UBE2G2: variants seen among roughly 807,000 people sequenced by gnomAD.
The protein encoded by UBE2G2 is ubiquitin conjugating enzyme E2 G2.
A neutral mutation model predicts 23.0 loss-of-function variants in UBE2G2; 10 were observed. That is an observed-to-expected ratio of 0.43 (90% CI 0.27 to 0.74). UBE2G2 has a LOEUF of 0.74. Ranked by LOEUF, UBE2G2 falls within the 30% of genes least tolerant of loss-of-function variation. UBE2G2 has a pLI of 0.19. For missense variants in UBE2G2, 150 were observed against 218.3 expected (o/e 0.69, Z 1.97); for synonymous variants, 86 against 81.3 (o/e 1.06, Z -0.31).
intron 4 of UBE2G2, among the ~76,000 whole-genome samples, chr21:44,776,506 T>C (rs1343958921): frequency 6.6e-6 from 1 of 152,218 alleles, no homozygotes; most frequent in African/African-American, 2.4e-5. Context: ...CATTGATTCT[T>C]CTTTTAGATC....
At chr21:44,795,764 C>T (rs979468451) in intron 1 of UBE2G2, among the ~76,000 whole-genome samples, 44 of 125,964 alleles carry the variant, frequency 3.5e-4, no homozygotes, top group African/African-American at 1.2e-3. Context: ...GAAAACTGGC[C>T]GTTTCTTTAA....
At chr21:44,788,037 G>A in intron 2 of UBE2G2, 23 bp downstream of exon 2, 1 of 1,611,708 alleles carries the variant, frequency 6.2e-7, no homozygotes, top group Non-Finnish European at 8.5e-7. Flanking sequence ...TAAATTATAA[G>A]GAAGTTAACT....
chr21:44,778,591 C>T (rs566406129), intron 3 of UBE2G2, among the ~76,000 whole-genome samples: 7 of 152,266 alleles, frequency 4.6e-5, no homozygotes, highest in East Asian at 1.9e-4. Flanking sequence ...ACACCAGGGA[C>T]GAACTCCTCT....
Position 44,801,766 on chromosome 21 carries a change from G to A in UBE2G2, c.-18C>T, listed in dbSNP as rs782241511. 7.3e-6 allele frequency: 11 copies of A among 1,514,702 alleles called. No individual in the cohort carries two copies. In the South Asian group the frequency reaches 1.2e-4, roughly 17 times the overall value. The allele number at this position is 1,514,702 out of a possible 1,614,324, so 93.8% of individuals were successfully genotyped here. A position where few individuals can be genotyped will look rare whatever the true frequency, so the allele number is the denominator to read the frequency against. On this transcript the variant is annotated 5_prime_UTR_variant, in exon 1 of 6. Coordinates refer to ENST00000345496, the MANE Select transcript of UBE2G2 (RefSeq NM_003343.6). ...CCCGCCATGGCCCCGCAACAGCTGC[G>A]CCGAGCGACCTCGCCTCAGCCGCGC...
At chr21:44,778,391 A>G (rs527484042) in intron 3 of UBE2G2, among the ~76,000 whole-genome samples, 2 of 152,372 alleles carry the variant, frequency 1.3e-5, no homozygotes, top group Admixed American at 1.3e-4. Context: ...ATGGGCACAG[A>G]CACAGGCACT....
chr21:44,772,159 C>T lies in UBE2G2; in HGVS notation c.386-670G>A, dbSNP rs1195783579. On this transcript the variant is annotated intron_variant, in intron 5 of 5. Coordinates refer to ENST00000345496, the MANE Select transcript of UBE2G2 (RefSeq NM_003343.6). This position sits in a 1 kb window ranked among gnomAD's most constrained non-coding sequence, Gnocchi z 5.4. ...GCTGTGCAGTGCGGCGGTGGCGCTGCTCAGAATGCACGTGGGGACCGGTTC... is the reference window on the plus strand; with the variant it reads ...GCTGTGCAGTGCGGCGGTGGCGCTGTTCAGAATGCACGTGGGGACCGGTTC... Among the ~76,000 whole-genome samples, 1 of 152,160 alleles carries T rather than the reference C, an allele frequency of 6.6e-6. No homozygotes were observed. Among genetic ancestry groups the T allele is most frequent in the African/African-American group, 2.4e-5 (1 of 41,432 alleles).
rs1353558328 is a variant in UBE2G2 at position 44,772,781 on chromosome 21, A to AGCCC, written c.385+762_385+765dup. On this transcript the variant is annotated intron_variant, in intron 5 of 5. Transcript: ENST00000345496. This position sits in a 1 kb window ranked among gnomAD's most constrained non-coding sequence, Gnocchi z 5.4. Reference sequence around the variant, plus strand: ...CTTCCTCTTAGCCCTGGGACCACTCAGCCCTTCTCTTTTCTCTCCAGGCTA... The same window carrying AGCCC: ...CTTCCTCTTAGCCCTGGGACCACTCAGCCCGCCCTTCTCTTTTCTCTCCAGGCTA... 6.6e-6 allele frequency among the ~76,000 whole-genome samples: 1 copy of AGCCC among 152,114 alleles called. No individual in the cohort carries two copies. The highest frequency in any genetic ancestry group is 1.5e-5 in the Non-Finnish European group (1 of 68,008).
intron 3 of UBE2G2, among the ~76,000 whole-genome samples, chr21:44,780,428 G>A (rs555268106): frequency 1.3e-5 from 2 of 152,206 alleles, no homozygotes; most frequent in South Asian, 4.1e-4. Flanking sequence ...GCCTCACCTG[G>A]GAATCTTCAA....
intron 3 of UBE2G2, among the ~76,000 whole-genome samples, chr21:44,784,706 G>A (rs917930521): frequency 6.6e-6 from 1 of 152,114 alleles, no homozygotes; most frequent in Non-Finnish European, 1.5e-5. Flanking sequence ...CCCTCAAGCT[G>A]GCTGCCATGA....
intron 1 of UBE2G2, chr21:44,800,169 A>G (rs1555964520): frequency 6.6e-6 from 1 of 152,228 alleles, no homozygotes; most frequent in African/African-American, 2.4e-5. Flanking sequence ...GCTTCCATGC[A>G]GGGTTGCTTG....
chr21:44,791,093 C>T lies in UBE2G2; in HGVS notation c.44-2998G>A, dbSNP rs943887282. 3.9e-5 allele frequency among the ~76,000 whole-genome samples: 6 copies of T among 152,048 alleles called. No homozygotes were observed. In the East Asian group the frequency reaches 7.7e-4, roughly 20 times the overall value. On this transcript the variant is annotated intron_variant, in intron 1 of 5. Transcript: ENST00000345496. ...GAGAATGGTGAGATTTTGCCCCTGC[C>T]CTAGAGATCTGTGGAACTTTGAACT... is the stretch of plus-strand genomic sequence containing the variant.
chr21:44,792,276 G>A (rs1490049706), intron 1 of UBE2G2, among the ~76,000 whole-genome samples: 2 of 152,156 alleles, frequency 1.3e-5, no homozygotes, highest in East Asian at 1.9e-4. Context: ...GAATGGTTTT[G>A]AAAGGAACAT....
chr21:44,782,630 T>A (rs2082965398), intron 3 of UBE2G2, among the ~76,000 whole-genome samples: 1 of 152,194 alleles, frequency 6.6e-6, no homozygotes, highest in South Asian at 2.1e-4. Flanking sequence ...CAAAAATAAA[T>A]CCTTGCATTT....
At position 44,773,704 on chromosome 21, in the gene UBE2G2, C is replaced by G. The variant is rs782488523; in HGVS notation, c.245-17G>C. ...CAGGGTAGACTGCAAGGGTCAGAGGCAGCCAAGTGAGCCCAGGAATGGTGC... is the reference window on the plus strand; with the variant it reads ...CAGGGTAGACTGCAAGGGTCAGAGGGAGCCAAGTGAGCCCAGGAATGGTGC... On this transcript the variant is annotated splice_polypyrimidine_tract_variant and intron_variant, in intron 4 of 5. Transcript: ENST00000345496. 2.4e-5 allele frequency: 39 copies of G among 1,608,756 alleles called. No homozygotes were observed. In the East Asian group the frequency reaches 8.7e-4, roughly 36 times the overall value.
At chr21:44,774,594 G>A (rs1286635135) in intron 4 of UBE2G2, 17 of 338,268 alleles carry the variant, frequency 5.0e-5, no homozygotes, top group African/African-American at 2.4e-4. Flanking sequence ...TTTCATACCT[G>A]GTCCTATGTG....
At chr21:44,795,820 G>A (rs2083084196) in intron 1 of UBE2G2, among the ~76,000 whole-genome samples, 1 of 152,064 alleles carries the variant, frequency 6.6e-6, no homozygotes, top group Non-Finnish European at 1.5e-5. Flanking sequence ...ATTTACACAG[G>A]AGAAATAAAA....
intron 1 of UBE2G2, among the ~76,000 whole-genome samples, chr21:44,794,495 A>G (rs1555963362): frequency 2.0e-5 from 3 of 152,258 alleles, no homozygotes; most frequent in Non-Finnish European, 4.4e-5. Context: ...TTAAAAGTCA[A>G]TAATTGAATT....
intron 1 of UBE2G2, among the ~76,000 whole-genome samples, chr21:44,796,705 G>T (rs1328634376): frequency 6.6e-6 from 1 of 152,222 alleles, no homozygotes; most frequent in Non-Finnish European, 1.5e-5. Context: ...CCAAGCGTCA[G>T]AAGTCTGGAC....
At chr21:44,788,016 G>A (rs781957097) in intron 2 of UBE2G2, 44 bp downstream of exon 2, 3 of 1,610,808 alleles carry the variant, frequency 1.9e-6, no homozygotes, top group Non-Finnish European at 2.5e-6. Flanking sequence ...AGGAACTTTG[G>A]CAATTAAAAG....
Sources: allele counts gnomAD v4.1 joint callset (sites outside exome capture counted in the v4.1 genomes callset), GRCh38; gene constraint gnomAD v4.1.1; non-coding constraint Gnocchi (gnomAD v3.1); transcripts MANE v1.5; gene names NCBI Gene and HGNC (gene_info 2026-07-23, HGNC 2026-07-21).